PTPRR: variants seen among roughly 807,000 people sequenced by gnomAD.
The protein encoded by PTPRR is protein tyrosine phosphatase receptor type R, also known as receptor-type tyrosine-protein phosphatase R.
Under a neutral mutation model 77.2 loss-of-function variants are expected in PTPRR, and 38 were observed. That is an observed-to-expected ratio of 0.49 (90% CI 0.38 to 0.65). The LOEUF is 0.65. Among genes scored for constraint, PTPRR ranks in the 30% least tolerant of loss-of-function variants. The pLI, the probability that PTPRR is intolerant of heterozygous loss-of-function variation, is 0.00. For missense variants in PTPRR, 744 were observed against 799.2 expected, an observed-to-expected ratio of 0.93 and a Z score of 0.83; for synonymous variants, 299 against 283.1, an observed-to-expected ratio of 1.06 and a Z score of -0.57.
rs1388083617 is a variant in PTPRR, at chr12:70,746,071, T to C, written c.754A>G (p.Lys252Glu). ...CTTAAGGAAAGCTGAAATCTTTCTT[T>C]TAATCTGTAAAGAATCTATAGAAGG... ...VTCLMILYRLKERFQLSLRQD... is the reference protein window; with the variant it reads ...VTCLMILYRLEERFQLSLRQD... The change falls in exon 6 of 14, where the codon AAA becomes GAA. Residue 252 changes from lysine to glutamate, a missense_variant. This residue lies in a region of PTPRR where 570 missense variants were observed against 573.2 expected (regional missense o/e 0.99). Coordinates refer to ENST00000283228, the MANE Select transcript of PTPRR (RefSeq NM_002849.4). 1.2e-6 allele frequency: 2 copies of C among 1,612,036 alleles called. No homozygotes were observed. The highest frequency in any genetic ancestry group is 1.7e-6 in the Non-Finnish European group (2 of 1,178,652).
chr12:70,901,432 T>C (rs1867358629), intron 1 of PTPRR, among the ~76,000 whole-genome samples: 1 of 151,630 alleles, frequency 6.6e-6, no homozygotes, highest in African/African-American at 2.4e-5. Context: ...TGGAACAGAA[T>C]ACAGAACCTG....
chr12:70,755,473 T>G (rs1890538913), intron 4 of PTPRR, among the ~76,000 whole-genome samples: 1 of 152,210 alleles, frequency 6.6e-6, no homozygotes. Flanking sequence ...ACTTTCATTC[T>G]GGAATGCAAG....
At chr12:70,823,930 T>TGAGGAGGGGC (rs1327036440) in intron 2 of PTPRR, among the ~76,000 whole-genome samples, 5 of 152,174 alleles carry the variant, frequency 3.3e-5, no homozygotes, top group African/African-American at 1.2e-4. Flanking sequence ...AGTGAGGCTC[T>TGAGGAGGGGC]GAGGAGGGGC....
intron 6 of PTPRR, among the ~76,000 whole-genome samples, chr12:70,737,645 A>G (rs553691683): frequency 7.2e-5 from 11 of 152,092 alleles, no homozygotes; most frequent in Admixed American, 3.3e-4. Context: ...TCAGCCTCCT[A>G]AGTAGCTGGG....
chr12:70,864,999 C>G (rs10784875), intron 2 of PTPRR, among the ~76,000 whole-genome samples: 103,431 of 151,906 alleles, frequency 0.68, 36,449 homozygotes, highest in African/African-American at 0.87. Flanking sequence ...ATTTTTAGTA[C>G]AGACGGGGTT....
intron 3 of PTPRR, among the ~76,000 whole-genome samples, chr12:70,761,912 AT>A (rs1890700412): frequency 6.6e-6 from 1 of 152,244 alleles, no homozygotes; most frequent in East Asian, 1.9e-4. Context: ...CCATATTGTA[AT>A]TTTTTGATGT....
chr12:70,673,618 A>G (rs1887329176), intron 10 of PTPRR, among the ~76,000 whole-genome samples: 1 of 152,232 alleles, frequency 6.6e-6, no homozygotes, highest in Admixed American at 6.5e-5. Context: ...ATTTTATAAG[A>G]TTTTATTTGT....
intron 1 of PTPRR, among the ~76,000 whole-genome samples, chr12:70,902,323 C>G (rs910329818): frequency 6.6e-6 from 1 of 151,788 alleles, no homozygotes; most frequent in Non-Finnish European, 1.5e-5. Context: ...GGTATCCACT[C>G]AGAGGAAAAG....
At chr12:70,833,638 T>G (rs1268487425) in intron 2 of PTPRR, among the ~76,000 whole-genome samples, 2 of 152,194 alleles carry the variant, frequency 1.3e-5, no homozygotes, top group African/African-American at 2.4e-5. Context: ...AATCCCACCA[T>G]AAGCCTCAAT....
intron 1 of PTPRR, among the ~76,000 whole-genome samples, chr12:70,918,662 C>G (rs1893809578): frequency 6.6e-6 from 1 of 152,148 alleles, no homozygotes; most frequent in Non-Finnish European, 1.5e-5. Flanking sequence ...TATAATTACT[C>G]AAGATGTATC....
At chr12:70,899,597 A>C (rs933906577) in intron 1 of PTPRR, among the ~76,000 whole-genome samples, 1 of 151,398 alleles carries the variant, frequency 6.6e-6, no homozygotes, top group African/African-American at 2.4e-5. Flanking sequence ...CCTACACCAA[A>C]CCCCACAGTA....
intron 6 of PTPRR, among the ~76,000 whole-genome samples, chr12:70,733,959 G>C (rs1889775784): frequency 6.6e-6 from 1 of 152,046 alleles, no homozygotes. Flanking sequence ...GCACATAGTG[G>C]GACCCTGAAC....
chr12:70,830,026 T>C (rs977832770), intron 2 of PTPRR, among the ~76,000 whole-genome samples: 2 of 152,120 alleles, frequency 1.3e-5, no homozygotes, highest in African/African-American at 4.8e-5. Context: ...GTCTTAGAGT[T>C]TGGCTCTAGG....
chr12:70,750,017 T>C (rs543393774), intron 5 of PTPRR, among the ~76,000 whole-genome samples: 3 of 152,330 alleles, frequency 2.0e-5, no homozygotes, highest in Non-Finnish European at 2.9e-5. Context: ...GATTGGAAGT[T>C]GCCCACACAT....
chr12:70,777,665 A>G (rs574544708), intron 2 of PTPRR, among the ~76,000 whole-genome samples: 3 of 152,334 alleles, frequency 2.0e-5, no homozygotes, highest in South Asian at 4.1e-4. Flanking sequence ...GCAGTTAACA[A>G]TGAGGATGCC....
In PTPRR at chr12:70,745,981, C is replaced by T. The variant is rs189128212; in HGVS notation, c.844G>A (p.Glu282Lys). Residue 282 changes from glutamate (E) to lysine (K), a missense_variant, in exon 6 of 14, where the codon GAG becomes AAG. Transcript: ENST00000283228. ...SPITLQPALS[E>K]AKTVHSMVQP... is the part of the protein sequence containing the mutation. ...ACCATGCTGTGGACTGTCTTTGCCT[C>T]GGACAGTGCTGGCTGTAATGTGATG... 24 of 1,614,054 alleles carry T rather than the reference C, an allele frequency of 1.5e-5. No homozygotes were observed. The highest frequency in any genetic ancestry group is 8.3e-5 in the Admixed American group (5 of 59,994).
At chr12:70,770,490 C>A (rs940288712) in intron 2 of PTPRR, among the ~76,000 whole-genome samples, 4 of 152,060 alleles carry the variant, frequency 2.6e-5, no homozygotes, top group African/African-American at 9.7e-5. Context: ...GAATGGCAAT[C>A]ATTAAAAAGT....
intron 2 of PTPRR, among the ~76,000 whole-genome samples, chr12:70,778,685 T>G (rs1891140042): frequency 6.6e-6 from 1 of 152,078 alleles, no homozygotes; most frequent in African/African-American, 2.4e-5. Context: ...TGATTTCAAT[T>G]TCTCTAATGT....
intron 2 of PTPRR, among the ~76,000 whole-genome samples, chr12:70,863,532 C>G (rs1476253212): frequency 6.6e-6 from 1 of 152,028 alleles, no homozygotes; most frequent in Non-Finnish European, 1.5e-5. Flanking sequence ...TGAAGGTAAC[C>G]ATTCTAGGAA....
Sources: gnomAD v4.1 joint callset for allele counts (sites outside exome capture counted in the v4.1 genomes callset) on GRCh38, gnomAD v4.1.1 for gene constraint, gnomAD v4.1.1 regional missense constraint, MANE v1.5 for transcripts, NCBI Gene and HGNC (gene_info 2026-07-23, HGNC 2026-07-21) for gene names.